The following ST7 variants were observed in gnomAD, a reference collection of about 807,000 sequenced individuals.
The protein encoded by ST7 is suppressor of tumorigenicity 7 protein.
Under a neutral mutation model 78.7 loss-of-function variants are expected in ST7, and 28 were observed. The observed-to-expected ratio is 0.36, with a 90% CI of 0.26 to 0.49. ST7 has a LOEUF of 0.49. Among genes scored for constraint, ST7 ranks in the 20% least tolerant of loss-of-function variants. The pLI is 0.99. For missense variants in ST7, 418 were observed against 696.0 expected, an observed-to-expected ratio of 0.60 and a Z score of 4.49; for synonymous variants, 247 against 249.6, an observed-to-expected ratio of 0.99 and a Z score of 0.10.
At chr7:117,148,820 G>A (rs1323607860) in intron 9 of ST7, among the ~76,000 whole-genome samples, 2 of 152,186 alleles carry the variant, frequency 1.3e-5, no homozygotes, top group African/African-American at 4.8e-5. Flanking sequence ...TCTGTGAGAT[G>A]TGTGGGGAGC....
chr7:117,134,313 C>A, intron 7 of ST7, 121 bp downstream of exon 7: 2 of 1,425,272 alleles, frequency 1.4e-6, no homozygotes, highest in Non-Finnish European at 1.9e-6. Context: ...TGTGTTGTGA[C>A]AAGGATGCAT....
intron 13 of ST7, among the ~76,000 whole-genome samples, chr7:117,210,716 C>G (rs193588): frequency 0.58 from 88,178 of 151,936 alleles, 27,602 homozygotes; most frequent in East Asian, 0.89. Context: ...TTATTATAAG[C>G]AAGGACACCA....
chr7:116,986,313 G>A (rs1562994329), intron 1 of ST7, among the ~76,000 whole-genome samples: 1 of 152,200 alleles, frequency 6.6e-6, no homozygotes, highest in Admixed American at 6.5e-5. Context: ...CAGAGTCAAT[G>A]AGTTGAGAGG....
intron 10 of ST7, among the ~76,000 whole-genome samples, chr7:117,171,706 C>T (rs918765094): frequency 4.6e-4 from 70 of 151,860 alleles, no homozygotes; most frequent in African/African-American, 1.7e-3. Flanking sequence ...CACATAATTA[C>T]CTGCCACGAC....
At chr7:116,956,945 T>C in intron 1 of ST7, 1 of 253,226 alleles carries the variant, frequency 3.9e-6, no homozygotes, top group Non-Finnish European at 7.8e-6. Context: ...GATTGAGGAC[T>C]CAGAGGTGGA....
At position 117,190,226 on chromosome 7, in the gene ST7, T is replaced by A. The variant is rs944108483; in HGVS notation, c.1152-608T>A. 2 of 167,280 alleles carry A rather than the reference T, an allele frequency of 1.2e-5. No homozygotes were observed. Among genetic ancestry groups the A allele is most frequent in the Admixed American group, 6.5e-5 (1 of 15,300 alleles). 10.4% of individuals were successfully genotyped at this position (167,280 alleles called of 1,614,324 possible). A position where few individuals can be genotyped will look rare whatever the true frequency, so the allele number is the denominator to read the frequency against. ...GGTTGTCACAGCTTCCCCTGTGGTG[T>A]CTGCCTGCCAAGCACAGCTCTGGAG... On this transcript the variant is annotated intron_variant, in intron 11 of 15. Transcript: ENST00000323984. This position sits in a 1 kb window ranked among gnomAD's most constrained non-coding sequence, Gnocchi z 5.2.
intron 2 of ST7, among the ~76,000 whole-genome samples, chr7:117,117,695 A>G (rs960294503): frequency 1.3e-5 from 2 of 152,190 alleles, no homozygotes; most frequent in Admixed American, 6.5e-5. Flanking sequence ...TCATGGCAGC[A>G]TGTGAGGTGT....
intron 12 of ST7, among the ~76,000 whole-genome samples, chr7:117,192,716 A>G (rs1462468003): frequency 3.9e-5 from 6 of 152,146 alleles, no homozygotes; most frequent in Non-Finnish European, 8.8e-5. Flanking sequence ...TGTTGGTTAG[A>G]TATTTTGATT....
intron 1 of ST7, among the ~76,000 whole-genome samples, chr7:117,095,324 T>G (rs2116737371): frequency 6.6e-6 from 1 of 152,328 alleles, no homozygotes; most frequent in East Asian, 1.9e-4. Context: ...AATTCCCTGC[T>G]CACTGGGGTG....
intron 1 of ST7, among the ~76,000 whole-genome samples, chr7:117,015,445 G>A (rs1426820610): frequency 6.6e-6 from 1 of 152,214 alleles, no homozygotes; most frequent in Admixed American, 6.5e-5. Context: ...TGGTGTTAAT[G>A]TAATGAAGTG....
At chr7:117,129,294 C>T (rs1392154767) in intron 3 of ST7, among the ~76,000 whole-genome samples, 1 of 151,796 alleles carries the variant, frequency 6.6e-6, no homozygotes, top group Non-Finnish European at 1.5e-5. Flanking sequence ...TCCTGTAAGG[C>T]AAAAGCAAAC....
At chr7:117,176,086 T>A (rs375225620) in intron 10 of ST7, among the ~76,000 whole-genome samples, 1 of 152,132 alleles carries the variant, frequency 6.6e-6, no homozygotes, top group African/African-American at 2.4e-5. Context: ...CTTCTTTGGG[T>A]TCATAGCAAC....
At chr7:116,986,291 G>A (rs916722199) in intron 1 of ST7, among the ~76,000 whole-genome samples, 1 of 152,212 alleles carries the variant, frequency 6.6e-6, no homozygotes, top group African/African-American at 2.4e-5. Context: ...TGAGAGTTGA[G>A]GGGTACTGAA....
chr7:117,145,803 T>C (rs1028725069), intron 9 of ST7, among the ~76,000 whole-genome samples: 1 of 152,192 alleles, frequency 6.6e-6, no homozygotes, highest in Non-Finnish European at 1.5e-5. Flanking sequence ...CCTGTATAAA[T>C]TTACATTCTT....
At chr7:117,076,717 C>G (rs2116566205) in intron 1 of ST7, 1 of 152,670 alleles carries the variant, frequency 6.6e-6, no homozygotes, top group Admixed American at 6.5e-5. Flanking sequence ...CTGTGCAGGC[C>G]TTGTGGCAGC....
chr7:117,108,819 G>C (rs1416971896), intron 2 of ST7, among the ~76,000 whole-genome samples: 3 of 152,090 alleles, frequency 2.0e-5, no homozygotes, highest in Non-Finnish European at 2.9e-5. Flanking sequence ...CCTTGGTTAA[G>C]TGTATTCCTA....
At chr7:117,226,754 A>C (rs1256266459) in intron 15 of ST7, among the ~76,000 whole-genome samples, 4 of 152,148 alleles carry the variant, frequency 2.6e-5, no homozygotes, top group African/African-American at 9.7e-5. Flanking sequence ...TAATGAAGGG[A>C]GCCCATCTCA....
chr7:117,066,388 T>C (rs1798632195), intron 1 of ST7, among the ~76,000 whole-genome samples: 1 of 152,154 alleles, frequency 6.6e-6, no homozygotes, highest in Non-Finnish European at 1.5e-5. Context: ...ATTGAACAAA[T>C]GAACCTGTAG....
At chr7:117,044,375 G>A (rs745437829) in intron 1 of ST7, among the ~76,000 whole-genome samples, 5 of 152,122 alleles carry the variant, frequency 3.3e-5, no homozygotes, top group Non-Finnish European at 7.4e-5. Context: ...GATCCCTAAG[G>A]TAGGCGTTTT....
Sources: allele counts gnomAD v4.1 joint callset (sites outside exome capture counted in the v4.1 genomes callset), GRCh38; gene constraint gnomAD v4.1.1; non-coding constraint Gnocchi (gnomAD v3.1); transcripts MANE v1.5; gene names NCBI Gene and HGNC (gene_info 2026-07-23, HGNC 2026-07-21).